The following TNFSF13B variants were observed in gnomAD, a reference collection of about 807,000 sequenced individuals.
TNFSF13B encodes the protein tumor necrosis factor ligand superfamily member 13B.
Under a neutral mutation model 29.1 loss-of-function variants are expected in TNFSF13B, and 8 were observed. That is an observed-to-expected ratio of 0.27 (90% CI 0.16 to 0.50). The LOEUF is 0.50. Ranked by LOEUF, TNFSF13B falls within the 20% of genes least tolerant of loss-of-function variation. The pLI is 0.98. For synonymous variants in TNFSF13B, 125 were observed against 130.8 expected (o/e 0.96, Z 0.30); for missense variants, 248 against 334.9 (o/e 0.74, Z 2.03).
At position 108,307,502 on chromosome 13, in the gene TNFSF13B, A is replaced by G. The variant is rs1312825620; in HGVS notation, c.*564A>G. The G allele has an allele frequency of 6.6e-6, 1 of 152,180 alleles. No homozygotes were observed. The highest frequency in any genetic ancestry group is 1.5e-5 in the Non-Finnish European group (1 of 68,058). The allele number at this position is 152,180 out of a possible 1,614,324, so 9.4% of individuals were successfully genotyped here. A position where few individuals can be genotyped will look rare whatever the true frequency, so the allele number is the denominator to read the frequency against. ...AAAAGTTTAAATTTAAATATGAAAC[A>G]ATTTTGCTGAAAATAGTATCCATAT... On this transcript the variant is annotated 3_prime_UTR_variant, in exon 6 of 6. Transcript: ENST00000375887.
At chr13:108,271,444 TCACACACA>T (rs59438208) in intron 2 of TNFSF13B, among the ~76,000 whole-genome samples, 23,674 of 142,794 alleles carry the variant, frequency 0.17, 2,187 homozygotes, top group Admixed American at 0.26. Flanking sequence ...GACCCTTCTA[TCACACACA>T]CACACACACA....
chr13:108,284,878 T>G (rs1216215920), intron 2 of TNFSF13B, among the ~76,000 whole-genome samples: 1 of 152,214 alleles, frequency 6.6e-6, no homozygotes, highest in African/African-American at 2.4e-5. Flanking sequence ...TGTACTACTA[T>G]AGAGACTGTA....
intron 3 of TNFSF13B, among the ~76,000 whole-genome samples, chr13:108,301,993 T>G (rs1004080100): frequency 6.6e-6 from 1 of 152,332 alleles, no homozygotes; most frequent in South Asian, 2.1e-4. Context: ...TTGGAAACAC[T>G]ATGTGAAGAA....
intron 3 of TNFSF13B, among the ~76,000 whole-genome samples, chr13:108,298,704 C>A (rs114820783): frequency 2.8e-5 from 4 of 145,384 alleles, no homozygotes; most frequent in Admixed American, 6.8e-5. Context: ...CACCTGGGCA[C>A]GGTAGCTCAT....
At chr13:108,298,992 AAAC>A in intron 3 of TNFSF13B, among the ~76,000 whole-genome samples, 1 of 129,516 alleles carries the variant, frequency 7.7e-6, no homozygotes, top group South Asian at 2.6e-4. Flanking sequence ...AACAAACAAA[AAAC>A]AAACAAACAA....
chr13:108,276,361 C>T (rs941305925), intron 2 of TNFSF13B, among the ~76,000 whole-genome samples: 10 of 152,232 alleles, frequency 6.6e-5, no homozygotes, highest in Non-Finnish European at 1.0e-4. Context: ...GAACTGGCTT[C>T]TGTTCAACTT....
intron 2 of TNFSF13B, among the ~76,000 whole-genome samples, chr13:108,282,074 T>C (rs1293342540): frequency 1.3e-5 from 2 of 152,168 alleles, no homozygotes; most frequent in Admixed American, 1.3e-4. Flanking sequence ...CCTCCTTCTT[T>C]AAAAACATAT....
chr13:108,282,411 T>C (rs1880983377), intron 2 of TNFSF13B, among the ~76,000 whole-genome samples: 1 of 152,236 alleles, frequency 6.6e-6, no homozygotes, highest in Admixed American at 6.5e-5. Flanking sequence ...TAACAGATAT[T>C]ACCAATTCTC....
Position 108,306,560 on chromosome 13 carries a change from T to C in TNFSF13B, c.746-266T>C, listed in dbSNP as rs141941022. 7.9e-4 allele frequency among the ~76,000 whole-genome samples: 120 copies of C among 152,098 alleles called. No homozygotes were observed. In the East Asian group the frequency reaches 0.015, roughly 19 times the overall value. On this transcript the variant is annotated intron_variant, in intron 5 of 5. Coordinates refer to ENST00000375887, the MANE Select transcript of TNFSF13B (RefSeq NM_006573.5). ...ATTTACCTAATTGTTTAAAAAGTTA[T>C]ATATTGGGCTTCTTTTGGGGAAGTC...
At chr13:108,276,143 G>C (rs1880757168) in intron 2 of TNFSF13B, among the ~76,000 whole-genome samples, 1 of 152,188 alleles carries the variant, frequency 6.6e-6, no homozygotes, top group Non-Finnish European at 1.5e-5. Context: ...GCTGTAACAT[G>C]AGTGTTGGAA....
At chr13:108,302,542 C>T (rs1260045595) in intron 3 of TNFSF13B, among the ~76,000 whole-genome samples, 4 of 152,202 alleles carry the variant, frequency 2.6e-5, no homozygotes, top group African/African-American at 9.6e-5. Flanking sequence ...TGTAGTCCCC[C>T]CATGTGCCTA....
chr13:108,279,408 G>T (rs1447841084), intron 2 of TNFSF13B, among the ~76,000 whole-genome samples: 2 of 152,166 alleles, frequency 1.3e-5, no homozygotes, highest in Non-Finnish European at 2.9e-5. Flanking sequence ...TTTGATTTCA[G>T]TACTGAAGGA....
intron 2 of TNFSF13B, among the ~76,000 whole-genome samples, chr13:108,275,945 T>C (rs187756676): frequency 6.6e-6 from 1 of 152,240 alleles, no homozygotes; most frequent in Admixed American, 6.5e-5. Flanking sequence ...CACCAAATAT[T>C]ATACCTTAAG....
At chr13:108,305,266 T>C (rs1283131087) in intron 5 of TNFSF13B, among the ~76,000 whole-genome samples, 1 of 152,146 alleles carries the variant, frequency 6.6e-6, no homozygotes, top group Non-Finnish European at 1.5e-5. Context: ...ACATAAAATG[T>C]TTCCATAGCA....
At chr13:108,269,709 C>T (rs1408173540), upstream of TNFSF13B, 2 of 564,528 alleles carry the variant, frequency 3.5e-6, no homozygotes, top group Non-Finnish European at 6.2e-6. Flanking sequence ...AGCAAACCTA[C>T]TGTACAGTAG....
At position 108,293,769 on chromosome 13, in the gene TNFSF13B, G is replaced by C. The variant is rs1881389313; in HGVS notation, c.481+6910G>C. On this transcript the variant is annotated intron_variant, in intron 3 of 5. Transcript: ENST00000375887. ...AAATGTATTTCTCACACTTCTGGAG[G>C]CTGGAAAATTCAAGATTAAGGTGCC... Among the ~76,000 whole-genome samples, 5 of 152,160 alleles carry C rather than the reference G, an allele frequency of 3.3e-5. No individual in the cohort carries two copies. The South Asian group carries it at 1.0e-3, about 31-fold the overall frequency.
chr13:108,279,156 T>C (rs1390994961), intron 2 of TNFSF13B, among the ~76,000 whole-genome samples: 3 of 152,198 alleles, frequency 2.0e-5, no homozygotes, highest in Non-Finnish European at 4.4e-5. Flanking sequence ...TTGGAAAAGT[T>C]GAGTGCTATT....
chr13:108,285,884 C>T (rs954062466), intron 2 of TNFSF13B, among the ~76,000 whole-genome samples: 5 of 152,206 alleles, frequency 3.3e-5, no homozygotes, highest in African/African-American at 1.2e-4. Flanking sequence ...TTTTCACAGA[C>T]ATTTACTGCT....
At chr13:108,293,197 G>A (rs573610825) in intron 3 of TNFSF13B, among the ~76,000 whole-genome samples, 1 of 151,930 alleles carries the variant, frequency 6.6e-6, no homozygotes, top group East Asian at 1.9e-4. Context: ...CACATTGAAC[G>A]GTCTTGGCAC....
Sources: allele counts gnomAD v4.1 joint callset (sites outside exome capture counted in the v4.1 genomes callset), GRCh38; gene constraint gnomAD v4.1.1; transcripts MANE v1.5; gene names NCBI Gene and HGNC (gene_info 2026-07-23, HGNC 2026-07-21).